The following POMGNT1 variants were observed in gnomAD, a reference collection of about 807,000 sequenced individuals.
POMGNT1 encodes protein O-linked-mannose beta-1,2-N-acetylglucosaminyltransferase 1.
Under a neutral mutation model 95.6 loss-of-function variants are expected in POMGNT1, and 67 were observed. The ratio of observed to expected loss-of-function variants is 0.70; its 90% confidence interval spans 0.58 to 0.86. POMGNT1 has a LOEUF of 0.86. Ranked by LOEUF, POMGNT1 falls within the 40% of genes least tolerant of loss-of-function variation. The pLI is 0.00. For missense variants in POMGNT1, 719 were observed against 855.2 expected (o/e 0.84, Z 1.99); for synonymous variants, 298 against 317.9 (o/e 0.94, Z 0.66).
At chr1:46,219,185 A>G (rs541863179) in intron 1 of POMGNT1, among the ~76,000 whole-genome samples, 1 of 152,064 alleles carries the variant, frequency 6.6e-6, no homozygotes, top group East Asian at 1.9e-4. Flanking sequence ...ATCCCAGCTA[A>G]TTGGGAGACT....
At chr1:46,208,174 A>G (rs1198305817) in intron 1 of POMGNT1, among the ~76,000 whole-genome samples, 1 of 151,842 alleles carries the variant, frequency 6.6e-6, no homozygotes, top group Admixed American at 6.6e-5. Flanking sequence ...TATTTTTTTA[A>G]TAGAGACAGG....
At chr1:46,194,205 A>T (rs992283194) in intron 9 of POMGNT1, 69 bp downstream of exon 9, 1 of 1,613,258 alleles carries the variant, frequency 6.2e-7, no homozygotes, top group African/African-American at 1.3e-5. Context: ...CCCAACCTAG[A>T]TCATTCCTGG....
chr1:46,189,189 C>CA lies in POMGNT1; in HGVS notation c.*80dup, dbSNP rs1265055036. 6.5e-7 allele frequency: 1 copy of CA among 1,541,334 alleles called. No homozygotes were observed. The highest frequency in any genetic ancestry group is 8.7e-7 in the Non-Finnish European group (1 of 1,149,480). On this transcript the variant is annotated 3_prime_UTR_variant, in exon 22 of 22. Transcript: ENST00000371984. ...TAGCCCCAGCCCCTACCAGCATCTA[C>CA]AAAATCCTACAGGATGGAGGGAAGG... is the stretch of plus-strand genomic sequence containing the variant.
At chr1:46,214,354 A>AG (rs1418447600) in intron 1 of POMGNT1, among the ~76,000 whole-genome samples, 1 of 151,858 alleles carries the variant, frequency 6.6e-6, no homozygotes, top group Non-Finnish European at 1.5e-5. Flanking sequence ...TCAAAAAGAA[A>AG]AAAAAAAAGG....
At position 46,196,059 on chromosome 1, in the gene POMGNT1, G is replaced by C. The variant is rs201665944; in HGVS notation, c.373C>G (p.Arg125Gly). 9.9e-6 allele frequency: 16 copies of C among 1,613,788 alleles called. No homozygotes were observed. In the South Asian group the frequency reaches 1.8e-4, roughly 18 times the overall value. The change falls in exon 5 of 22, where the codon CGG becomes GGG. Residue 125 changes from arginine (R) to glycine (G), a missense_variant. Physicochemically the swap from Arg to Gly is moderately radical, Grantham distance 125. Transcript: ENST00000371984. This position sits in a 1 kb window ranked among gnomAD's most constrained non-coding sequence, Gnocchi z 4.4. Reference sequence around the variant, plus strand: ...ACATGGATGCCCCGGCCCTGCTCCCGGGCCTCATCCTCCAGCACCTACACA... The same window carrying C: ...ACATGGATGCCCCGGCCCTGCTCCCCGGCCTCATCCTCCAGCACCTACACA... Reference protein sequence around the residue: ...DGTTVLEDEAREQGRGIHVIV... With the variant: ...DGTTVLEDEAGEQGRGIHVIV...
chr1:46,219,885 A>G, exon 1 of POMGNT1: 2 of 1,613,856 alleles, frequency 1.2e-6, no homozygotes, highest in Middle Eastern at 3.3e-4. Flanking sequence ...CAGCTGGGAC[A>G]GCCTGCCAGA....
chr1:46,192,476 C>T (rs1332651177), intron 15 of POMGNT1, 40 bp from the exon 16 acceptor site: 3 of 1,614,000 alleles, frequency 1.9e-6, no homozygotes, highest in Non-Finnish European at 2.5e-6. Flanking sequence ...TTAGCTGAGG[C>T]CTCATAAACT....
chr1:46,189,718 G>A, intron 20 of POMGNT1, 136 bp downstream of exon 20: 2 of 1,548,742 alleles, frequency 1.3e-6, no homozygotes, highest in Non-Finnish European at 1.8e-6. Flanking sequence ...TGGACAAGGA[G>A]GTTGGAAGAG....
upstream of POMGNT1, chr1:46,203,261 C>T (rs572632817): frequency 4.4e-6 from 2 of 452,772 alleles, no homozygotes; most frequent in Non-Finnish European, 7.7e-6. Flanking sequence ...CATCCACAGA[C>T]GGTGCTGCGC....
intron 1 of POMGNT1, among the ~76,000 whole-genome samples, chr1:46,214,325 G>A (rs1658994403): frequency 6.7e-6 from 1 of 149,352 alleles, no homozygotes; most frequent in Admixed American, 6.7e-5. Context: ...CAGCCTGGGT[G>A]ACAGAATGAC....
chr1:46,189,228 G>A lies in POMGNT1; in HGVS notation c.*42C>T, dbSNP rs1470155625. On this transcript the variant is annotated 3_prime_UTR_variant, in exon 22 of 22. Transcript: ENST00000371984. ...ATGGAGGGAAGGGCTAGCCAGCCTGGGGGTACACAGTACCCAGCCCCGCAG... is the reference window on the plus strand; with the variant it reads ...ATGGAGGGAAGGGCTAGCCAGCCTGAGGGTACACAGTACCCAGCCCCGCAG... 3.8e-6 allele frequency: 6 copies of A among 1,593,200 alleles called. No homozygotes were observed. Among genetic ancestry groups the A allele is most frequent in the Non-Finnish European group, 5.1e-6 (6 of 1,172,008 alleles).
chr1:46,202,613 T>C (rs1658565481), upstream of POMGNT1, among the ~76,000 whole-genome samples: 1 of 144,322 alleles, frequency 6.9e-6, no homozygotes, highest in African/African-American at 2.6e-5. Flanking sequence ...GAGAATTGCT[T>C]GAACCCAGGG....
intron 10 of POMGNT1, 28 bp from the exon 11 acceptor site, chr1:46,193,667 C>T (rs749863511): frequency 1.2e-6 from 2 of 1,613,802 alleles, no homozygotes; most frequent in Non-Finnish European, 1.7e-6. Context: ...AGGTTAGGGT[C>T]ACTTCATCAC....
At chr1:46,217,971 TAAATACCA>T (rs1659119279) in intron 1 of POMGNT1, among the ~76,000 whole-genome samples, 1 of 152,028 alleles carries the variant, frequency 6.6e-6, no homozygotes, top group African/African-American at 2.4e-5. Context: ...GATTAGGAGG[TAAATACCA>T]AAATAAACAA....
In POMGNT1 at chr1:46,188,847, C is replaced by G. The variant is rs1657517279; in HGVS notation, c.*423G>C. On this transcript the variant is annotated 3_prime_UTR_variant, in exon 22 of 22. Transcript: ENST00000371984. The stretch of plus-strand genomic sequence containing the variant: ...GGGCCTGTCCATGGGTTGGGCACAG[C>G]AGTTTCCTGAGTAAGAGCCAGCCCC... 2 of 1,612,774 alleles carry G rather than the reference C, an allele frequency of 1.2e-6. No individual in the cohort carries two copies. Among genetic ancestry groups the G allele is most frequent in the Middle Eastern group, 3.3e-4 (2 of 6,074 alleles).
At chr1:46,208,876 G>A (rs1557683739) in intron 1 of POMGNT1, among the ~76,000 whole-genome samples, 1 of 151,978 alleles carries the variant, frequency 6.6e-6, no homozygotes, top group Non-Finnish European at 1.5e-5. Context: ...ATAAATAAAA[G>A]GCATGAAGCC....
chr1:46,197,475 G>A, intron 2 of POMGNT1: 1 of 1,486,470 alleles, frequency 6.7e-7, no homozygotes. Context: ...AGCCTGATCA[G>A]ACTTCAGGCT....
chr1:46,196,185 T>C lies in POMGNT1; in HGVS notation c.355-108A>G. 6.3e-7 allele frequency: 1 copy of C among 1,575,334 alleles called. No individual in the cohort carries two copies. The highest frequency in any genetic ancestry group is 1.3e-5 in the African/African-American group (1 of 74,206). On this transcript the variant is annotated intron_variant, in intron 4 of 21. Transcript: ENST00000371984. This position sits in a 1 kb window ranked among gnomAD's most constrained non-coding sequence, Gnocchi z 4.4. ...TGCTTGAAACATCACCTCCTGCCTA[T>C]GTTTCTGTTCACACAGTTCTTTTCC...
chr1:46,194,614 G>A lies in POMGNT1; in HGVS notation c.690C>T (p.Ala230=). The A allele has an allele frequency of 1.2e-6, 2 of 1,614,220 alleles. No homozygotes were observed. Among genetic ancestry groups the A allele is most frequent in the Non-Finnish European group, 1.7e-6 (2 of 1,180,034 alleles). The change falls in exon 8 of 22, where the codon GCC becomes GCT. Residue 230 remains alanine (A), a synonymous_variant. Transcript: ENST00000371984. The part of the protein sequence containing the change: ...VFGEKHSKSP[A]LSSWGDPVLL... Reference sequence around the variant, plus strand: ...GGACTGGGTCCCCCCAGGAAGAGAGGGCAGGTGATTTAGAATGTTTCTCCC... The same window carrying A: ...GGACTGGGTCCCCCCAGGAAGAGAGAGCAGGTGATTTAGAATGTTTCTCCC...
Sources: allele counts gnomAD v4.1 joint callset (sites outside exome capture counted in the v4.1 genomes callset), GRCh38; gene constraint gnomAD v4.1.1; non-coding constraint Gnocchi (gnomAD v3.1); transcripts MANE v1.5; gene names NCBI Gene and HGNC (gene_info 2026-07-23, HGNC 2026-07-21).